Variants in ASXL2 observed in about 807,000 individuals in gnomAD.
The protein encoded by ASXL2 is putative Polycomb group protein ASXL2.
A neutral mutation model predicts 122.0 loss-of-function variants in ASXL2; 23 were observed. The ratio of observed to expected loss-of-function variants is 0.19; its 90% CI spans 0.14 to 0.27. The LOEUF (loss-of-function observed/expected upper bound fraction) is 0.27. Ranked by LOEUF, ASXL2 falls within the 10% of genes least tolerant of loss-of-function variation. The pLI, the probability that ASXL2 is intolerant of heterozygous loss-of-function variation, is 1.00. For synonymous variants in ASXL2, 650 were observed against 637.0 expected, an observed-to-expected ratio of 1.02 and a Z score of -0.31; for missense variants, 1,518 against 1,713.8, an observed-to-expected ratio of 0.89 and a Z score of 2.02.
intron 5 of ASXL2, among the ~76,000 whole-genome samples, chr2:25,797,710 A>C: frequency 6.6e-6 from 1 of 152,240 alleles, no homozygotes; most frequent in South Asian, 2.1e-4. Context: ...TATCAGGCCA[A>C]AATCCACAAC....
At chr2:25,833,705 A>G (rs1200496735) in intron 3 of ASXL2, among the ~76,000 whole-genome samples, 2 of 152,034 alleles carry the variant, frequency 1.3e-5, no homozygotes, top group Non-Finnish European at 2.9e-5. Flanking sequence ...CAAAAAAAAA[A>G]AAGCTTAATT....
At chr2:25,766,232 C>T (rs1179165236) in intron 8 of ASXL2, among the ~76,000 whole-genome samples, 3 of 151,832 alleles carry the variant, frequency 2.0e-5, no homozygotes, top group Non-Finnish European at 4.4e-5. Flanking sequence ...CCATATGTTT[C>T]GAGATCTTTA....
intron 2 of ASXL2, among the ~76,000 whole-genome samples, chr2:25,843,258 A>C (rs35410678): frequency 0.27 from 41,197 of 149,822 alleles, 5,937 homozygotes; most frequent in African/African-American, 0.32. Context: ...GCCAAGATGG[A>C]ACCGCTGCAC....
At chr2:25,759,346 C>A in intron 9 of ASXL2, 136 bp downstream of exon 9, 1 of 869,160 alleles carries the variant, frequency 1.2e-6, no homozygotes, top group South Asian at 2.4e-5. Context: ...ATTTTTTTTT[C>A]CTAAGCCTTA....
intron 3 of ASXL2, chr2:25,810,773 G>A (rs964808589): frequency 4.8e-5 from 26 of 539,668 alleles, no homozygotes; most frequent in African/African-American, 4.2e-4. Flanking sequence ...TTGGAATTTT[G>A]TTGAGATTTA....
chr2:25,745,009 G>C (rs886535842), intron 12 of ASXL2, among the ~76,000 whole-genome samples: 1 of 149,134 alleles, frequency 6.7e-6, no homozygotes, highest in African/African-American at 2.5e-5. Context: ...AATTACACAG[G>C]CTTCTAGACA....
rs1006091284 is a variant in ASXL2 at position 25,867,236 on chromosome 2, T to TA, written c.57+10929dup. ...ATTTTTAGTAGAGACAGGTTCTATC[T>TA]AAAAAAAAATGAGAATTGTATTGTG... is the stretch of plus-strand genomic sequence containing the variant. On this transcript the variant is annotated intron_variant, in intron 1 of 12. Transcript: ENST00000435504. Among the ~76,000 whole-genome samples, 72 of 150,752 alleles carry TA rather than the reference T, an allele frequency of 4.8e-4. 1 individual carries two copies. The highest frequency in any genetic ancestry group is 1.9e-3 in the Admixed American group (29 of 15,074).
At chr2:25,756,465 G>GAAAAAAAAAAGAAAAAAAAAAAAAAA (rs2088137252) in intron 9 of ASXL2, among the ~76,000 whole-genome samples, 1 of 91,408 alleles carries the variant, frequency 1.1e-5, no homozygotes, top group Non-Finnish European at 2.3e-5. Flanking sequence ...AAAAAAAAAA[G>GAAAAAAAAAAGAAAAAAAAAAAAAAA]AAAAAAAAAA....
chr2:25,866,368 AG>A (rs1167099571), intron 1 of ASXL2, among the ~76,000 whole-genome samples: 1 of 152,108 alleles, frequency 6.6e-6, no homozygotes, highest in Non-Finnish European at 1.5e-5. Context: ...TGACCTCGTG[AG>A]TCGCCCGCCT....
intron 3 of ASXL2, among the ~76,000 whole-genome samples, chr2:25,809,663 T>G (rs924233500): frequency 1.1e-4 from 17 of 152,224 alleles, no homozygotes; most frequent in African/African-American, 4.1e-4. Context: ...TTACAAAATG[T>G]GTACATCACA....
chr2:25,852,028 G>A (rs954322046), intron 1 of ASXL2, among the ~76,000 whole-genome samples: 23 of 116,316 alleles, frequency 2.0e-4, no homozygotes, highest in African/African-American at 7.8e-4. Context: ...CAAACATGCT[G>A]TATGAACCAT....
chr2:25,764,442 T>C (rs2088308305), intron 8 of ASXL2, among the ~76,000 whole-genome samples: 1 of 151,946 alleles, frequency 6.6e-6, no homozygotes, highest in Admixed American at 6.6e-5. Context: ...AAAAGATAAA[T>C]AAATAAAAAT....
At chr2:25,838,979 C>T (rs955303175) in intron 2 of ASXL2, among the ~76,000 whole-genome samples, 6 of 152,136 alleles carry the variant, frequency 3.9e-5, no homozygotes, top group Non-Finnish European at 8.8e-5. Context: ...CCAGAATCAA[C>T]ACATGAGCTG....
At position 25,736,655 on chromosome 2, in the gene ASXL2, A is replaced by G. The variant is rs1444495682; in HGVS notation, c.*5374T>C. 1.3e-5 allele frequency: 2 copies of G among 152,170 alleles called. No individual in the cohort carries two copies. The highest frequency in any genetic ancestry group is 3.8e-4 in the East Asian group (2 of 5,198). 9.4% of individuals were successfully genotyped at this position (152,170 alleles called of 1,614,324 possible). On this transcript the variant is annotated 3_prime_UTR_variant, in exon 13 of 13. Transcript: ENST00000435504. ...TAAAAAGCCAATGTAAAGAAAAAAA[A>G]AAAAAGCCAATGTATCCTTACATTA...
At chr2:25,753,251 A>G (rs2088077099) in intron 11 of ASXL2, among the ~76,000 whole-genome samples, 1 of 152,072 alleles carries the variant, frequency 6.6e-6, no homozygotes, top group East Asian at 1.9e-4. Flanking sequence ...AGTGTGAGCC[A>G]CTGCGCCCAG....
intron 1 of ASXL2, among the ~76,000 whole-genome samples, chr2:25,876,853 A>C (rs1487785858): frequency 6.6e-6 from 1 of 152,240 alleles, no homozygotes; most frequent in East Asian, 1.9e-4. Flanking sequence ...TTGAAAACTC[A>C]TCAACCTCCT....
intron 12 of ASXL2, among the ~76,000 whole-genome samples, chr2:25,747,204 C>G (rs1195626646): frequency 6.6e-6 from 1 of 152,094 alleles, no homozygotes; most frequent in Non-Finnish European, 1.5e-5. Context: ...ATACAGAGGG[C>G]TGACTGTATA....
intron 3 of ASXL2, among the ~76,000 whole-genome samples, chr2:25,820,154 A>T (rs1375931044): frequency 6.6e-6 from 1 of 152,154 alleles, no homozygotes; most frequent in East Asian, 1.9e-4. Context: ...GCACTCAAGC[A>T]ATCCTCCCAC....
intron 3 of ASXL2, among the ~76,000 whole-genome samples, chr2:25,824,581 T>C (rs929461783): frequency 1.3e-5 from 2 of 152,182 alleles, no homozygotes; most frequent in African/African-American, 4.8e-5. Flanking sequence ...ATTTGCAATT[T>C]TGCTATCAAT....
Sources: gnomAD v4.1 joint callset for allele counts (sites outside exome capture counted in the v4.1 genomes callset) on GRCh38, gnomAD v4.1.1 for gene constraint, MANE v1.5 for transcripts, NCBI Gene and HGNC (gene_info 2026-07-23, HGNC 2026-07-21) for gene names.